The following DIAPH1 variants were observed in gnomAD, a reference collection of about 807,000 sequenced individuals.
The protein encoded by DIAPH1 is protein diaphanous homolog 1.
DIAPH1 carries 46 observed loss-of-function variants against 140.7 expected under a neutral mutation model. That is an observed-to-expected ratio of 0.33 (90% CI 0.26 to 0.42). The LOEUF is 0.42. DIAPH1 is among the 10% of genes least tolerant of loss of function. DIAPH1 has a pLI of 1.00. For missense variants in DIAPH1, 1,310 were observed against 1,558.7 expected (o/e 0.84, Z 2.69); for synonymous variants, 565 against 551.6 (o/e 1.02, Z -0.34).
chr5:141,585,774 C>T (rs1392911908), intron 3 of DIAPH1, among the ~76,000 whole-genome samples: 3 of 151,610 alleles, frequency 2.0e-5, no homozygotes, highest in African/African-American at 7.3e-5. Flanking sequence ...AGCAATACTC[C>T]ATCTCAAAAA....
chr5:141,545,803 T>C (rs894777563), intron 18 of DIAPH1, among the ~76,000 whole-genome samples: 3 of 152,184 alleles, frequency 2.0e-5, no homozygotes, highest in Non-Finnish European at 2.9e-5. Flanking sequence ...GCCGGCATAA[T>C]ATGAAAATAG....
Position 141,527,699 on chromosome 5 carries a change from TAA to T in DIAPH1, c.3149-4_3149-3del, listed in dbSNP as rs79558427. ...TCTTTTGCAAGTTTTCAGCAGAAAC[TAA>T]AAAAAAAAAAAAAAAAAAAAACCAT... is the stretch of plus-strand genomic sequence containing the variant. On this transcript the variant is annotated splice_polypyrimidine_tract_variant and splice_region_variant and intron_variant, in intron 23 of 27. Coordinates refer to ENST00000389054, the MANE Select transcript of DIAPH1 (RefSeq NM_005219.5). 0.048 allele frequency: 51,953 copies of T among 1,084,538 alleles called. 3 individuals are homozygous for T. The highest frequency in any genetic ancestry group is 0.061 in the East Asian group (1,609 of 26,406). 67.2% of individuals were successfully genotyped at this position (1,084,538 alleles called of 1,614,324 possible).
At chr5:141,519,354 G>A (rs1248378856) in intron 27 of DIAPH1, among the ~76,000 whole-genome samples, 3 of 152,060 alleles carry the variant, frequency 2.0e-5, no homozygotes, top group Admixed American at 6.5e-5. Flanking sequence ...GTCTCCAACA[G>A]TTGAGAAGAC....
intron 18 of DIAPH1, chr5:141,560,968 G>A: frequency 4.4e-6 from 2 of 454,066 alleles, no homozygotes; most frequent in Admixed American, 2.4e-5. Flanking sequence ...TGGGAGGACC[G>A]CCATCTCTGT....
intron 18 of DIAPH1, among the ~76,000 whole-genome samples, chr5:141,542,757 G>A (rs1281200553): frequency 1.3e-5 from 2 of 152,188 alleles, no homozygotes; most frequent in Non-Finnish European, 2.9e-5. Context: ...TGATGAAAAT[G>A]TTTTGGAACT....
At chr5:141,524,940 C>T (rs909591948) in intron 26 of DIAPH1, among the ~76,000 whole-genome samples, 7 of 152,140 alleles carry the variant, frequency 4.6e-5, no homozygotes, top group Non-Finnish European at 2.9e-5. Flanking sequence ...CTACATTCCA[C>T]CCTCATTTGC....
chr5:141,576,417 T>A, intron 13 of DIAPH1, 123 bp from the exon 14 acceptor site: 1 of 861,440 alleles, frequency 1.2e-6, no homozygotes, highest in Non-Finnish European at 1.9e-6. Context: ...TGTTCTGCAC[T>A]AGACAAAGAA....
In DIAPH1 at chr5:141,534,448, A is replaced by G; in HGVS notation, c.2483-15T>C. 1 of 1,609,136 alleles carries G rather than the reference A, an allele frequency of 6.2e-7. No homozygotes were observed. Among genetic ancestry groups the G allele is most frequent in the Non-Finnish European group, 8.5e-7 (1 of 1,176,388 alleles). On this transcript the variant is annotated splice_polypyrimidine_tract_variant and intron_variant, in intron 18 of 27. Coordinates refer to ENST00000389054, the MANE Select transcript of DIAPH1 (RefSeq NM_005219.5). ...ATCCTTCTTGGCTAGCAGGGAAAAG[A>G]TTAGAAAAGCATGATTAAAAGTAAG... is the stretch of plus-strand genomic sequence containing the variant.
chr5:141,539,895 A>AT (rs372049521), intron 18 of DIAPH1, among the ~76,000 whole-genome samples: 5,803 of 142,438 alleles, frequency 0.041, 137 homozygotes, highest in South Asian at 0.079. Flanking sequence ...GATTGTCTCT[A>AT]TTTTTTTTTT....
At position 141,587,149 on chromosome 5, in the gene DIAPH1, T is replaced by C; in HGVS notation, c.193A>G (p.Asn65Asp). 6.2e-7 allele frequency: 1 copy of C among 1,614,180 alleles called. No individual in the cohort carries two copies. Among genetic ancestry groups the C allele is most frequent in the Non-Finnish European group, 8.5e-7 (1 of 1,180,018 alleles). The change falls in exon 3 of 28, where the codon AAT (asparagine) becomes GAT (aspartate). Residue 65 changes from asparagine to aspartate, a missense_variant. Around this residue, in one of 3 missense-constraint regions of DIAPH1, gnomAD observed 377 missense variants for 497.1 expected, o/e 0.76. Coordinates refer to ENST00000389054, the MANE Select transcript of DIAPH1 (RefSeq NM_005219.5). ...GCAGAAGAATTTCTATGAGCAGAATTGGGCTTTTCCTTCTCCTTCTTAATT... is the reference window on the plus strand; with the variant it reads ...GCAGAAGAATTTCTATGAGCAGAATCGGGCTTTTCCTTCTCCTTCTTAATT... ...MRIKKEKEKP[N>D]SAHRNSSASY...
At chr5:141,601,173 A>G (rs1286693020) in intron 1 of DIAPH1, among the ~76,000 whole-genome samples, 1 of 151,972 alleles carries the variant, frequency 6.6e-6, no homozygotes, top group East Asian at 1.9e-4. Context: ...ACATGTATAC[A>G]TATGTAACAA....
At chr5:141,569,422 T>G (rs1332266366) in intron 18 of DIAPH1, among the ~76,000 whole-genome samples, 1 of 152,220 alleles carries the variant, frequency 6.6e-6, no homozygotes, top group Non-Finnish European at 1.5e-5. Context: ...GCATTCAAAC[T>G]GAACTGGTTC....
At chr5:141,539,195 T>G (rs747282228) in intron 18 of DIAPH1, among the ~76,000 whole-genome samples, 1 of 151,850 alleles carries the variant, frequency 6.6e-6, no homozygotes, top group Non-Finnish European at 1.5e-5. Context: ...GAGAATCACT[T>G]AAACCCAGGA....
At chr5:141,581,099 T>C (rs1040849319) in intron 7 of DIAPH1, among the ~76,000 whole-genome samples, 6 of 152,046 alleles carry the variant, frequency 3.9e-5, no homozygotes, top group African/African-American at 9.7e-5. Flanking sequence ...GTAGAAAGGG[T>C]CCTTAATCCA....
At position 141,524,612 on chromosome 5, in the gene DIAPH1, GT is replaced by G. The variant is rs141248240; in HGVS notation, c.3575-384del. ...ATATCACTCCCTTTTATCCTAAAGT[GT>G]TTTGCCTGGTTAGGTTTCAGAGCAG... On this transcript the variant is annotated intron_variant, in intron 26 of 27. Transcript: ENST00000389054. The G allele has an allele frequency of 2.0e-3, 662 of 331,916 alleles. 3 individuals carry two copies. The highest frequency in any genetic ancestry group is 0.013 in the African/African-American group (590 of 46,618). The allele number at this position is 331,916 out of a possible 1,614,324, so 20.6% of individuals were successfully genotyped here.
chr5:141,534,881 T>TC (rs1426229418), intron 18 of DIAPH1, among the ~76,000 whole-genome samples: 1 of 152,200 alleles, frequency 6.6e-6, no homozygotes, highest in African/African-American at 2.4e-5. Context: ...AGTTCAGCAG[T>TC]CCCCTTCCAC....
chr5:141,596,355 T>G (rs1376686498), intron 1 of DIAPH1, among the ~76,000 whole-genome samples: 1 of 151,398 alleles, frequency 6.6e-6, no homozygotes, highest in Non-Finnish European at 1.5e-5. Context: ...TAATAATAAT[T>G]AGCCAGGCAT....
chr5:141,571,399 C>G (rs1237117638), intron 18 of DIAPH1, 29 bp downstream of exon 18: 1 of 1,587,604 alleles, frequency 6.3e-7, no homozygotes, highest in African/African-American at 1.4e-5. Context: ...TTCAAGAGAC[C>G]AAACTAAAAG....
rs774815702 is a variant in DIAPH1, at chr5:141,516,939, G to A, written c.3731C>T (p.Ala1244Val). ...ASELTKDDAMAAVPAKVSKNS... is the reference protein window; with the variant it reads ...ASELTKDDAMVAVPAKVSKNS... Reference sequence around the variant, plus strand: ...CTTGGACACCTTGGCAGGAACAGCAGCCATGGCATCATCCTTGGTCAGCTC... The same window carrying A: ...CTTGGACACCTTGGCAGGAACAGCAACCATGGCATCATCCTTGGTCAGCTC... Residue 1244 changes from alanine (A) to valine (V), a missense_variant, in exon 28 of 28, where the codon GCT becomes GTT. Ala to Val is a moderately conservative substitution (Grantham distance 64, BLOSUM62 0). Around this residue, in one of 3 missense-constraint regions of DIAPH1, gnomAD observed 344 missense variants for 512.2 expected, o/e 0.67. Transcript: ENST00000389054. 4 of 1,614,242 alleles carry A rather than the reference G, an allele frequency of 2.5e-6. No homozygotes were observed. In the South Asian group the frequency reaches 4.4e-5, roughly 18 times the overall value.
Sources: gnomAD v4.1 joint callset for allele counts (sites outside exome capture counted in the v4.1 genomes callset) on GRCh38, gnomAD v4.1.1 for gene constraint, gnomAD v4.1.1 regional missense constraint, MANE v1.5 for transcripts, NCBI Gene and HGNC (gene_info 2026-07-23, HGNC 2026-07-21) for gene names.